PDE1C: variants seen among roughly 807,000 people sequenced by gnomAD.
PDE1C encodes the protein dual specificity calcium/calmodulin-dependent 3',5'-cyclic nucleotide phosphodiesterase 1C.
A neutral mutation model predicts 93.1 loss-of-function variants in PDE1C; 62 were observed. That is an observed-to-expected ratio of 0.67 (90% CI 0.54 to 0.82). The LOEUF is 0.82. PDE1C is among the 40% of genes least tolerant of loss of function. PDE1C has a pLI of 0.00. For synonymous variants in PDE1C, 325 were observed against 310.1 expected (o/e 1.05, Z -0.50); for missense variants, 742 against 884.6 (o/e 0.84, Z 2.04).
At chr7:32,213,781 C>T (rs939161853) in intron 1 of PDE1C, among the ~76,000 whole-genome samples, 1 of 152,182 alleles carries the variant, frequency 6.6e-6, no homozygotes, top group African/African-American at 2.4e-5. Flanking sequence ...TGCCATACTG[C>T]TCACAAAACA....
intron 1 of PDE1C, among the ~76,000 whole-genome samples, chr7:32,394,580 G>A (rs1328936842): frequency 1.3e-5 from 2 of 152,200 alleles, no homozygotes; most frequent in Non-Finnish European, 2.9e-5. Context: ...GGCTGATGCA[G>A]GAGGCTCACT....
chr7:32,244,158 G>C (rs1183784500), intron 1 of PDE1C, among the ~76,000 whole-genome samples: 2 of 152,214 alleles, frequency 1.3e-5, no homozygotes, highest in Non-Finnish European at 2.9e-5. Flanking sequence ...AACCAATGCT[G>C]TGTTTTCCCT....
intron 1 of PDE1C, among the ~76,000 whole-genome samples, chr7:32,237,801 G>A (rs1181554879): frequency 6.8e-5 from 7 of 102,604 alleles, no homozygotes; most frequent in Admixed American, 1.4e-4. Context: ...ACAGAGTCTC[G>A]CTCTTGTTGC....
chr7:32,306,928 C>T (rs1434236450), intron 1 of PDE1C, among the ~76,000 whole-genome samples: 3 of 152,196 alleles, frequency 2.0e-5, no homozygotes, highest in Admixed American at 6.5e-5. Context: ...ACATCAGGAG[C>T]CAGTGTCAAA....
At chr7:31,755,367 G>T (rs578159572) in intron 17 of PDE1C, among the ~76,000 whole-genome samples, 1 of 152,170 alleles carries the variant, frequency 6.6e-6, no homozygotes, top group South Asian at 2.1e-4. Context: ...CTGAAGGGGA[G>T]GGGGTCTAGG....
intron 1 of PDE1C, among the ~76,000 whole-genome samples, chr7:32,228,618 A>C (rs1807465582): frequency 6.6e-6 from 1 of 152,164 alleles, no homozygotes; most frequent in African/African-American, 2.4e-5. Context: ...GGGGCCTCAA[A>C]GGCTCAGAAA....
intron 2 of PDE1C, among the ~76,000 whole-genome samples, chr7:32,002,855 A>T (rs554688041): frequency 6.6e-6 from 1 of 152,344 alleles, no homozygotes; most frequent in South Asian, 2.1e-4. Context: ...TAAAATGTCA[A>T]CATGGAATGA....
chr7:31,928,037 C>T (rs540993120), intron 2 of PDE1C, among the ~76,000 whole-genome samples: 12 of 151,958 alleles, frequency 7.9e-5, no homozygotes, highest in African/African-American at 2.9e-4. Flanking sequence ...AAGCTAAGAA[C>T]CTTGATAAAA....
intron 1 of PDE1C, among the ~76,000 whole-genome samples, chr7:32,326,390 G>A (rs1783404446): frequency 6.6e-6 from 1 of 152,152 alleles, no homozygotes. Context: ...AAGAGAATAA[G>A]AGACCAAGGA....
chr7:32,332,709 G>A (rs996664556), intron 1 of PDE1C, among the ~76,000 whole-genome samples: 3 of 152,260 alleles, frequency 2.0e-5, no homozygotes, highest in African/African-American at 2.4e-5. Context: ...AGAAATGAAA[G>A]TGAATAAACA....
the PDE1C span, among the ~76,000 whole-genome samples, chr7:31,625,991 A>G: frequency 1.3e-5 from 2 of 152,210 alleles, no homozygotes; most frequent in Admixed American, 6.5e-5. Flanking sequence ...AAACTTTGCT[A>G]TGACTTTTAA....
chr7:31,958,056 C>T (rs1467921735), intron 2 of PDE1C, among the ~76,000 whole-genome samples: 1 of 152,146 alleles, frequency 6.6e-6, no homozygotes, highest in Non-Finnish European at 1.5e-5. Context: ...AAATGAAATG[C>T]TTCTTCTGGC....
At chr7:31,682,357 A>G in the PDE1C span, among the ~76,000 whole-genome samples, 1 of 152,252 alleles carries the variant, frequency 6.6e-6, no homozygotes, top group Non-Finnish European at 1.5e-5. Flanking sequence ...ACAGATGGCA[A>G]ATAAGTATAT....
intron 11 of PDE1C, 79 bp downstream of exon 11, chr7:31,837,101 T>C: frequency 6.9e-7 from 1 of 1,445,750 alleles, no homozygotes; most frequent in South Asian, 1.3e-5. Context: ...CAATAGTCCT[T>C]ATCCTAGCAT....
chr7:32,240,099 T>C (rs1158677345), intron 1 of PDE1C, among the ~76,000 whole-genome samples: 1 of 152,198 alleles, frequency 6.6e-6, no homozygotes, highest in African/African-American at 2.4e-5. Context: ...TTTAAGCCAC[T>C]TACATGTGAA....
intron 2 of PDE1C, among the ~76,000 whole-genome samples, chr7:32,025,512 G>A (rs1789295668): frequency 6.6e-6 from 1 of 152,150 alleles, no homozygotes; most frequent in African/African-American, 2.4e-5. Context: ...TCCCAGCAAG[G>A]CTGGTTGACG....
At chr7:31,642,794 C>T in the PDE1C span, 110 of 1,613,962 alleles carry the variant, frequency 6.8e-5, no homozygotes, top group Admixed American at 1.8e-3. Flanking sequence ...TCGGATGGGC[C>T]AGATTCCAAA....
intron 15 of PDE1C, among the ~76,000 whole-genome samples, chr7:31,810,916 A>G (rs1297723795): frequency 6.6e-6 from 1 of 152,106 alleles, no homozygotes; most frequent in Non-Finnish European, 1.5e-5. Context: ...TATTCTACAA[A>G]CCACATACTT....
At position 32,374,244 on chromosome 7, in the gene PDE1C, A is replaced by G. The variant is rs913196323; in HGVS notation, c.310+53578T>C. On this transcript the variant is annotated intron_variant, in intron 1 of 1. Coordinates refer to the PDE1C transcript ENST00000672256. The stretch of plus-strand genomic sequence containing the variant: ...GGAAAGAAAGAAAAAGAAAGAAGGA[A>G]GGAAAGGAAAGGAAGAAAGAAAGAA... 2.5e-3 allele frequency among the ~76,000 whole-genome samples: 343 copies of G among 137,142 alleles called. 1 individual carries two copies. Among genetic ancestry groups the G allele is most frequent in the African/African-American group, 8.7e-3 (324 of 37,158 alleles). The allele number at this position is 137,142 out of a possible 152,430, so 90.0% of individuals were successfully genotyped here. A position where few individuals can be genotyped will look rare whatever the true frequency, so the allele number is the denominator to read the frequency against.
Sources: gnomAD v4.1 joint callset for allele counts (sites outside exome capture counted in the v4.1 genomes callset) on GRCh38, gnomAD v4.1.1 for gene constraint, MANE v1.5 for transcripts, NCBI Gene and HGNC (gene_info 2026-07-23, HGNC 2026-07-21) for gene names.